Variants in KAZN observed in about 807,000 individuals in gnomAD.
KAZN encodes the protein kazrin, periplakin interacting protein.
A neutral mutation model predicts 87.4 loss-of-function variants in KAZN; 40 were observed. The observed-to-expected ratio is 0.46, with a 90% CI of 0.36 to 0.60. The LOEUF is 0.60. Among genes scored for constraint, KAZN ranks in the 20% least tolerant of loss-of-function variants. KAZN has a pLI of 0.00. For synonymous variants in KAZN, 466 were observed against 458.3 expected (o/e 1.02, Z -0.22); for missense variants, 898 against 1,073.9 (o/e 0.84, Z 2.29).
chr1:14,794,330 C>G (rs954825960), intron 1 of KAZN, among the ~76,000 whole-genome samples: 2 of 152,186 alleles, frequency 1.3e-5, no homozygotes, highest in African/African-American at 4.8e-5. Context: ...AGCAACCATC[C>G]CTGGTAGAGT....
chr1:14,404,665 G>A (rs573916451), intron 2 of KAZN, among the ~76,000 whole-genome samples: 2 of 152,216 alleles, frequency 1.3e-5, no homozygotes, highest in South Asian at 4.1e-4. Context: ...GTAAATAGGA[G>A]AAAAGATCAA....
chr1:14,688,249 G>A (rs1641072996), intron 1 of KAZN, among the ~76,000 whole-genome samples: 1 of 152,200 alleles, frequency 6.6e-6, no homozygotes, highest in African/African-American at 2.4e-5. Flanking sequence ...TCCTGAGATT[G>A]GGTTTGGTTC....
intron 2 of KAZN, among the ~76,000 whole-genome samples, chr1:14,516,129 C>T (rs74474928): frequency 0.014 from 2,160 of 152,250 alleles, 31 homozygotes; most frequent in Non-Finnish European, 0.022. Context: ...GCAAGTCGAA[C>T]GTAAATTAAC....
intron 1 of KAZN, among the ~76,000 whole-genome samples, chr1:14,060,570 C>A (rs140144969): frequency 6.6e-6 from 1 of 152,216 alleles, no homozygotes; most frequent in African/African-American, 2.4e-5. Flanking sequence ...CTGAATTTCC[C>A]TGAGGGCAGG....
intron 1 of KAZN, among the ~76,000 whole-genome samples, chr1:14,062,160 G>A (rs114486988): frequency 2.3e-3 from 356 of 152,194 alleles, no homozygotes; most frequent in Non-Finnish European, 4.1e-3. Context: ...GAAGATGTGC[G>A]GCTAACTACT....
chr1:14,222,526 C>G (rs1243925610), intron 2 of KAZN, among the ~76,000 whole-genome samples: 1 of 152,176 alleles, frequency 6.6e-6, no homozygotes, highest in Non-Finnish European at 1.5e-5. Flanking sequence ...ATGGTGCAAG[C>G]CTAGCTTTGG....
chr1:14,532,760 G>A (rs1474665890), intron 2 of KAZN, among the ~76,000 whole-genome samples: 2 of 151,288 alleles, frequency 1.3e-5, no homozygotes, highest in Non-Finnish European at 2.9e-5. Flanking sequence ...TGAGAATGCT[G>A]GTTTCCAGTT....
At chr1:14,918,854 CT>C in intron 1 of KAZN, among the ~76,000 whole-genome samples, 1 of 151,362 alleles carries the variant, frequency 6.6e-6, no homozygotes, top group African/African-American at 2.4e-5. Flanking sequence ...CACCTGACAC[CT>C]TGATTGCAGC....
intron 2 of KAZN, among the ~76,000 whole-genome samples, chr1:14,357,783 A>G (rs1047690796): frequency 3.9e-5 from 6 of 152,188 alleles, no homozygotes; most frequent in African/African-American, 1.4e-4. Flanking sequence ...CACCTTGATC[A>G]TGGTGGATAA....
chr1:14,940,410 C>T (rs1660921160), intron 1 of KAZN, among the ~76,000 whole-genome samples: 2 of 152,256 alleles, frequency 1.3e-5, no homozygotes, highest in Non-Finnish European at 2.9e-5. Flanking sequence ...GAGGATCTTA[C>T]ACACTGAGTC....
intron 2 of KAZN, among the ~76,000 whole-genome samples, chr1:14,240,018 A>G (rs997470945): frequency 1.3e-5 from 2 of 152,114 alleles, no homozygotes; most frequent in African/African-American, 2.4e-5. Flanking sequence ...AGACTAGAGG[A>G]TGTCTACGGA....
chr1:14,112,524 T>G (rs1263263478), intron 1 of KAZN, among the ~76,000 whole-genome samples: 5 of 152,190 alleles, frequency 3.3e-5, no homozygotes, highest in Non-Finnish European at 7.3e-5. Context: ...CTCCTCTCAC[T>G]CCCAGGGACC....
chr1:14,106,316 T>C (rs1234122527), intron 1 of KAZN, among the ~76,000 whole-genome samples: 1 of 152,142 alleles, frequency 6.6e-6, no homozygotes, highest in Admixed American at 6.5e-5. Context: ...TCATAGAAAA[T>C]GAATCTCACA....
chr1:14,155,576 G>C (rs1255253698), intron 1 of KAZN, among the ~76,000 whole-genome samples: 7 of 151,948 alleles, frequency 4.6e-5, no homozygotes, highest in Admixed American at 1.3e-4. Context: ...CTAATTTGGG[G>C]TTTGGTTTGC....
chr1:14,729,634 T>G (rs1462220385), intron 1 of KAZN, among the ~76,000 whole-genome samples: 2 of 152,102 alleles, frequency 1.3e-5, no homozygotes, highest in Non-Finnish European at 2.9e-5. Flanking sequence ...ACTTTTAGAA[T>G]CAGGCCAAGC....
chr1:14,271,771 G>A (rs1445613922), intron 2 of KAZN, among the ~76,000 whole-genome samples: 1 of 152,216 alleles, frequency 6.6e-6, no homozygotes, highest in Non-Finnish European at 1.5e-5. Flanking sequence ...GGTTGATGTT[G>A]AATCGAGTGC....
rs72869065 is a variant in KAZN at position 14,376,917 on chromosome 1, C to T, written c.249+196325C>T. ...TTTTTGCTATGTATGTTTTTGTTTG[C>T]AAAGCAAATACTTCTATAATGTATT... is the stretch of plus-strand genomic sequence containing the variant. On this transcript the variant is annotated intron_variant, in intron 2 of 16. Transcript: ENST00000636203. Among the ~76,000 whole-genome samples the T allele has an allele frequency of 4.1e-3, 622 of 152,316 alleles. 7 individuals carry two copies. Among genetic ancestry groups the T allele is most frequent in the African/African-American group, 0.014 (594 of 41,582 alleles).
At chr1:15,023,908 G>C (rs1468418970) in intron 2 of KAZN, among the ~76,000 whole-genome samples, 2 of 151,034 alleles carry the variant, frequency 1.3e-5, no homozygotes, top group African/African-American at 2.4e-5. Flanking sequence ...AGAAAAGTTT[G>C]GGGGGGTGGT....
chr1:13,914,579 A>C (rs1639774135), intron 1 of KAZN, among the ~76,000 whole-genome samples: 3 of 151,886 alleles, frequency 2.0e-5, no homozygotes, highest in Admixed American at 2.0e-4. Flanking sequence ...GTATTCCATT[A>C]CTCCTTCTTA....
Sources: allele counts gnomAD v4.1 joint callset (sites outside exome capture counted in the v4.1 genomes callset), GRCh38; gene constraint gnomAD v4.1.1; transcripts MANE v1.5; gene names NCBI Gene and HGNC (gene_info 2026-07-23, HGNC 2026-07-21).